Variants in ST6GALNAC3 observed in about 807,000 individuals in gnomAD.
ST6GALNAC3 encodes the protein alpha-N-acetylgalactosaminide alpha-2,6-sialyltransferase 3.
In ST6GALNAC3, 25 loss-of-function variants were observed where a neutral mutation model predicts 32.7. The ratio of observed to expected loss-of-function variants is 0.76; its 90% CI spans 0.56 to 1.07. The LOEUF is 1.07. Among genes scored for constraint, ST6GALNAC3 ranks in the 50% least tolerant of loss-of-function variants. The pLI, the probability that ST6GALNAC3 is intolerant of heterozygous loss-of-function variation, is 0.00. For missense variants in ST6GALNAC3, 355 were observed against 382.4 expected (o/e 0.93, Z 0.60); for synonymous variants, 129 against 133.1 (o/e 0.97, Z 0.21).
In ST6GALNAC3 at chr1:76,629,809, A is replaced by G. The variant is rs547697280; in HGVS notation, c.*1003A>G. The stretch of plus-strand genomic sequence containing the variant: ...TTCATAATATATATTTGTATATTCA[A>G]ATTTCTATTTTATAGGCCCAAGGTG... On this transcript the variant is annotated 3_prime_UTR_variant, in exon 5 of 5. Transcript: ENST00000328299. The G allele has an allele frequency of 1.1e-4, 107 of 975,548 alleles. No homozygotes were observed. Among genetic ancestry groups the G allele is most frequent in the Admixed American group, 6.2e-4 (10 of 16,238 alleles). The allele number at this position is 975,548 out of a possible 1,614,324, so 60.4% of individuals were successfully genotyped here. A position where few individuals can be genotyped will look rare whatever the true frequency, so the allele number is the denominator to read the frequency against.
chr1:76,522,099 A>G (rs1405452750), intron 3 of ST6GALNAC3, among the ~76,000 whole-genome samples: 1 of 151,926 alleles, frequency 6.6e-6, no homozygotes, highest in Non-Finnish European at 1.5e-5. Context: ...AAAAAAAAAA[A>G]AAAACACCAT....
chr1:76,360,916 A>G (rs897851064), intron 2 of ST6GALNAC3, among the ~76,000 whole-genome samples: 37 of 152,172 alleles, frequency 2.4e-4, no homozygotes, highest in African/African-American at 8.4e-4. Flanking sequence ...AATCCTGTCA[A>G]AATAGAAGAT....
At chr1:76,289,290 C>T (rs1490275731) in intron 1 of ST6GALNAC3, among the ~76,000 whole-genome samples, 1 of 152,212 alleles carries the variant, frequency 6.6e-6, no homozygotes, top group Non-Finnish European at 1.5e-5. Flanking sequence ...TAGCATAGGG[C>T]AGTGGTCATG....
chr1:76,205,891 A>G (rs949458457), intron 1 of ST6GALNAC3, among the ~76,000 whole-genome samples: 1 of 152,214 alleles, frequency 6.6e-6, no homozygotes, highest in Admixed American at 6.5e-5. Context: ...GTTATTTTCC[A>G]TCTTGAAATG....
intron 1 of ST6GALNAC3, among the ~76,000 whole-genome samples, chr1:76,088,366 G>A (rs1294469128): frequency 1.3e-5 from 2 of 152,116 alleles, no homozygotes; most frequent in African/African-American, 4.8e-5. Context: ...AGGAGCTTGC[G>A]GAAATGAAAA....
At chr1:76,533,672 C>A (rs946978596) in intron 3 of ST6GALNAC3, among the ~76,000 whole-genome samples, 2 of 152,120 alleles carry the variant, frequency 1.3e-5, no homozygotes, top group African/African-American at 4.8e-5. Context: ...CCCAGACCAC[C>A]TTTCCCATTC....
intron 1 of ST6GALNAC3, among the ~76,000 whole-genome samples, chr1:76,227,312 C>A (rs748547125): frequency 2.3e-4 from 35 of 152,162 alleles, no homozygotes; most frequent in Non-Finnish European, 4.7e-4. Flanking sequence ...GTCCTTTGAG[C>A]AAGAATTAAT....
intron 1 of ST6GALNAC3, among the ~76,000 whole-genome samples, chr1:76,266,069 G>C (rs1364915614): frequency 1.3e-5 from 2 of 152,182 alleles, no homozygotes; most frequent in Non-Finnish European, 2.9e-5. Flanking sequence ...TTCAGAGAAA[G>C]AAATTATAGT....
intron 1 of ST6GALNAC3, among the ~76,000 whole-genome samples, chr1:76,309,233 C>G (rs1245228480): frequency 6.6e-6 from 1 of 152,088 alleles, no homozygotes; most frequent in Non-Finnish European, 1.5e-5. Context: ...AGTTGTGACT[C>G]TTTGGAAGCA....
chr1:76,544,099 A>G (rs1035258726), intron 3 of ST6GALNAC3, among the ~76,000 whole-genome samples: 1 of 137,094 alleles, frequency 7.3e-6, no homozygotes, highest in Non-Finnish European at 1.6e-5. Context: ...ATATATATAT[A>G]TGAAATTTAA....
At chr1:76,405,048 A>G (rs1374591619) in intron 2 of ST6GALNAC3, among the ~76,000 whole-genome samples, 1 of 152,124 alleles carries the variant, frequency 6.6e-6, no homozygotes, top group East Asian at 1.9e-4. Context: ...CTAAAGTAGA[A>G]AGATAGATTA....
chr1:76,092,526 C>G (rs1435231300), intron 1 of ST6GALNAC3, among the ~76,000 whole-genome samples: 6 of 152,114 alleles, frequency 3.9e-5, no homozygotes. Flanking sequence ...AGCAACCCTT[C>G]AAAATGGGTG....
At chr1:76,373,135 A>G (rs1446425075) in intron 2 of ST6GALNAC3, among the ~76,000 whole-genome samples, 1 of 151,988 alleles carries the variant, frequency 6.6e-6, no homozygotes, top group African/African-American at 2.4e-5. Context: ...CAGGAATGAC[A>G]CCACACTTAT....
intron 1 of ST6GALNAC3, among the ~76,000 whole-genome samples, chr1:76,312,594 A>G (rs1262318612): frequency 6.6e-6 from 1 of 152,080 alleles, no homozygotes; most frequent in Non-Finnish European, 1.5e-5. Flanking sequence ...AATAAAAATA[A>G]AAAAATAAAC....
At chr1:76,560,474 A>C (rs1323999655) in intron 3 of ST6GALNAC3, among the ~76,000 whole-genome samples, 2 of 152,248 alleles carry the variant, frequency 1.3e-5, no homozygotes, top group Non-Finnish European at 2.9e-5. Context: ...AGGAGCTGAA[A>C]CAACTCCATA....
At chr1:76,081,421 C>T (rs1646894879) in intron 1 of ST6GALNAC3, among the ~76,000 whole-genome samples, 1 of 152,090 alleles carries the variant, frequency 6.6e-6, no homozygotes, top group African/African-American at 2.4e-5. Flanking sequence ...TGTCTTTTAC[C>T]TTCAGTGCCA....
chr1:76,315,934 G>A (rs1646856395), intron 2 of ST6GALNAC3, among the ~76,000 whole-genome samples: 2 of 152,068 alleles, frequency 1.3e-5, no homozygotes, highest in South Asian at 4.2e-4. Flanking sequence ...TCACAGTCCA[G>A]AGTACCAGAA....
chr1:76,133,124 T>C (rs1649720995), intron 1 of ST6GALNAC3, among the ~76,000 whole-genome samples: 1 of 152,084 alleles, frequency 6.6e-6, no homozygotes, highest in Non-Finnish European at 1.5e-5. Context: ...TCTGCTGGAG[T>C]CACTTGGGTC....
intron 1 of ST6GALNAC3, among the ~76,000 whole-genome samples, chr1:76,259,376 C>T (rs1204728297): frequency 6.6e-6 from 1 of 152,162 alleles, no homozygotes; most frequent in Non-Finnish European, 1.5e-5. Context: ...GGTTCTGTCA[C>T]TGAGTGGGAA....
Sources: gnomAD v4.1 joint callset for allele counts (sites outside exome capture counted in the v4.1 genomes callset) on GRCh38, gnomAD v4.1.1 for gene constraint, MANE v1.5 for transcripts, NCBI Gene and HGNC (gene_info 2026-07-23, HGNC 2026-07-21) for gene names.